HRH1: variants seen among roughly 807,000 people sequenced by gnomAD.
The protein encoded by HRH1 is histamine H1 receptor.
HRH1 carries 6 observed loss-of-function variants against 10.3 expected under a neutral mutation model. The ratio of observed to expected loss-of-function variants is 0.58; its 90% CI spans 0.32 to 1.15. The LOEUF (loss-of-function observed/expected upper bound fraction) is 1.15, where lower values mean the gene tolerates loss of function less well. HRH1 is among the 50% of genes most tolerant of loss of function. The pLI is 0.05. For synonymous variants in HRH1, 242 were observed against 236.7 expected (o/e 1.02, Z -0.21); for missense variants, 514 against 615.3 (o/e 0.84, Z 1.74).
chr3:11,170,807 G>A (rs957711024), intron 1 of HRH1, among the ~76,000 whole-genome samples: 16 of 152,224 alleles, frequency 1.1e-4, no homozygotes, highest in African/African-American at 3.4e-4. Flanking sequence ...AGCTAAGTAA[G>A]GTGAGAAGGG....
At chr3:11,157,440 C>T (rs1333775007) in intron 1 of HRH1, among the ~76,000 whole-genome samples, 1 of 152,170 alleles carries the variant, frequency 6.6e-6, no homozygotes, top group East Asian at 1.9e-4. Flanking sequence ...TCATTCAAGC[C>T]CCAGTCACCT....
intron 1 of HRH1, among the ~76,000 whole-genome samples, chr3:11,212,465 A>G (rs1369925008): frequency 6.6e-6 from 1 of 152,168 alleles, no homozygotes; most frequent in Non-Finnish European, 1.5e-5. Context: ...CAGGCCTGGA[A>G]AATCTACTCT....
chr3:11,237,851 T>G (rs1355976395), intron 1 of HRH1, among the ~76,000 whole-genome samples: 1 of 151,954 alleles, frequency 6.6e-6, no homozygotes, highest in Admixed American at 6.6e-5. Context: ...AATTTTTTTG[T>G]ATTTTTAGTA....
chr3:11,188,183 A>G lies in HRH1; in HGVS notation c.-36+33629A>G, dbSNP rs534222804. On this transcript the variant is annotated intron_variant, in intron 1 of 1. Coordinates refer to ENST00000431010, the MANE Select transcript of HRH1 (RefSeq NM_001098212.2). ...CAATTTTTTTTAATTGACAATATCT[A>G]GCATTGGTAAGAATGCAATCAAAGC... 4.3e-4 allele frequency among the ~76,000 whole-genome samples: 65 copies of G among 152,348 alleles called. 2 individuals carry two copies. In the Middle Eastern group the frequency reaches 0.02, roughly 48 times the overall value.
At chr3:11,172,173 A>C (rs764856849) in intron 1 of HRH1, among the ~76,000 whole-genome samples, 16 of 152,252 alleles carry the variant, frequency 1.1e-4, no homozygotes, top group Non-Finnish European at 2.1e-4. Context: ...GAGCCATTGA[A>C]GAATTCTGAG....
At chr3:11,218,467 A>T (rs940616034) in intron 1 of HRH1, among the ~76,000 whole-genome samples, 5 of 151,838 alleles carry the variant, frequency 3.3e-5, no homozygotes, top group East Asian at 3.9e-4. Context: ...AAAAAAAAAA[A>T]TTAAAAGACA....
intron 1 of HRH1, among the ~76,000 whole-genome samples, chr3:11,225,102 C>T (rs1269364750): frequency 1.3e-5 from 2 of 152,152 alleles, no homozygotes; most frequent in African/African-American, 2.4e-5. Context: ...GGCCAGGAGA[C>T]CAAGGGACCC....
At chr3:11,209,524 T>C (rs1398336727) in intron 1 of HRH1, among the ~76,000 whole-genome samples, 1 of 152,210 alleles carries the variant, frequency 6.6e-6, no homozygotes, top group East Asian at 1.9e-4. Flanking sequence ...TGGTTCACAG[T>C]GTTTGGCTAG....
At chr3:11,253,542 T>G (rs1454998362) in intron 1 of HRH1, among the ~76,000 whole-genome samples, 5 of 152,206 alleles carry the variant, frequency 3.3e-5, no homozygotes, top group Admixed American at 3.3e-4. Flanking sequence ...TTTCTAAAAA[T>G]TCTGTCGGTC....
chr3:11,191,404 C>T (rs1357878206), intron 1 of HRH1, among the ~76,000 whole-genome samples: 2 of 152,124 alleles, frequency 1.3e-5, no homozygotes, highest in Non-Finnish European at 2.9e-5. Flanking sequence ...GGTCAAAGAC[C>T]CACCTCCCCC....
At chr3:11,241,164 T>C (rs1939326005) in intron 1 of HRH1, among the ~76,000 whole-genome samples, 1 of 152,202 alleles carries the variant, frequency 6.6e-6, no homozygotes, top group Admixed American at 6.5e-5. Flanking sequence ...AAATACCAAA[T>C]ATAATAAGTA....
At chr3:11,153,884 T>G (rs1203620767), upstream of HRH1, among the ~76,000 whole-genome samples, 1 of 152,142 alleles carries the variant, frequency 6.6e-6, no homozygotes, top group Admixed American at 6.5e-5. Context: ...GGTGTGAGGT[T>G]GTAGACCCTG....
chr3:11,141,264 G>A (rs1474269697), intron 1 of HRH1, among the ~76,000 whole-genome samples: 1 of 152,152 alleles, frequency 6.6e-6, no homozygotes, highest in Non-Finnish European at 1.5e-5. Flanking sequence ...ATTACTGGAA[G>A]GGTTAAATGA....
At chr3:11,163,558 T>G (rs1024527744) in intron 1 of HRH1, among the ~76,000 whole-genome samples, 4 of 152,156 alleles carry the variant, frequency 2.6e-5, no homozygotes, top group African/African-American at 4.8e-5. Context: ...GTGCCTCAGC[T>G]TCCTCATCTG....
rs139366841 is a variant in HRH1 at position 11,157,442 on chromosome 3, C to G, written c.-36+2888C>G. ...ACCTGGCAGAGGATCATTCAAGCCC[C>G]AGTCACCTGCTGCCCTCCCTTTCAC... On this transcript the variant is annotated intron_variant, in intron 1 of 1. Transcript: ENST00000431010. Among the ~76,000 whole-genome samples the G allele has an allele frequency of 7.7e-4, 118 of 152,334 alleles. 1 individual carries two copies. The highest frequency in any genetic ancestry group is 7.1e-3 in the East Asian group (37 of 5,186).
chr3:11,210,462 A>G (rs145473448), intron 1 of HRH1, among the ~76,000 whole-genome samples: 2 of 152,172 alleles, frequency 1.3e-5, no homozygotes, highest in East Asian at 3.9e-4. Flanking sequence ...ATAAAATGAG[A>G]TGGTGTGTAC....
At chr3:11,249,402 C>CAAAAA (rs4037602) in intron 1 of HRH1, among the ~76,000 whole-genome samples, 2 of 71,878 alleles carry the variant, frequency 2.8e-5, no homozygotes, top group Non-Finnish European at 5.0e-5. Context: ...GACTCTGTCT[C>CAAAAA]AAAAAAAAAA....
chr3:11,229,356 C>A (rs956388794), intron 1 of HRH1, among the ~76,000 whole-genome samples: 1 of 152,132 alleles, frequency 6.6e-6, no homozygotes, highest in Non-Finnish European at 1.5e-5. Context: ...TGCTGGAGTG[C>A]TGTGGGTCAA....
At position 11,216,129 on chromosome 3, in the gene HRH1, A is replaced by G. The variant is rs146886676; in HGVS notation, c.-35-42874A>G. 2.2e-3 allele frequency among the ~76,000 whole-genome samples: 342 copies of G among 152,302 alleles called. 3 individuals carry two copies. The highest frequency in any genetic ancestry group is 7.2e-3 in the African/African-American group (300 of 41,580). ...GTCGAGGGCCCTGAACACTCCCTGA[A>G]TGGTGAGTGGTGGAAATGAACATTA... is the stretch of plus-strand genomic sequence containing the variant. On this transcript the variant is annotated intron_variant, in intron 1 of 1. Coordinates refer to ENST00000431010, the MANE Select transcript of HRH1 (RefSeq NM_001098212.2).
Sources: gnomAD v4.1 joint callset for allele counts (sites outside exome capture counted in the v4.1 genomes callset) on GRCh38, gnomAD v4.1.1 for gene constraint, MANE v1.5 for transcripts, NCBI Gene and HGNC (gene_info 2026-07-23, HGNC 2026-07-21) for gene names.